The following SERINC5 variants were observed in gnomAD, a reference collection of about 807,000 sequenced individuals.
The protein encoded by SERINC5 is serine incorporator 5, also known as chromosome 5 open reading frame 12.
A neutral mutation model predicts 63.1 loss-of-function variants in SERINC5; 41 were observed. The ratio of observed to expected loss-of-function variants is 0.65; its 90% CI spans 0.51 to 0.84. The LOEUF (loss-of-function observed/expected upper bound fraction) is 0.84. Ranked by LOEUF, SERINC5 falls within the 40% of genes least tolerant of loss-of-function variation. The pLI, the probability that SERINC5 is intolerant of heterozygous loss-of-function variation, is 0.00. For missense variants in SERINC5, 523 were observed against 573.0 expected (o/e 0.91, Z 0.89); for synonymous variants, 222 against 215.2 (o/e 1.03, Z -0.28).
chr5:80,194,396 T>G (rs759127438), intron 2 of SERINC5, among the ~76,000 whole-genome samples: 1 of 152,214 alleles, frequency 6.6e-6, no homozygotes, highest in African/African-American at 2.4e-5. Context: ...AGCTTCAGCA[T>G]GAAGACCTGT....
At position 80,202,963 on chromosome 5, in the gene SERINC5, C is replaced by T. The variant is rs1749940075; in HGVS notation, c.118G>A (p.Ala40Thr). 1 of 1,613,624 alleles carries T rather than the reference C, an allele frequency of 6.2e-7. No individual in the cohort carries two copies. The highest frequency in any genetic ancestry group is 8.5e-7 in the Non-Finnish European group (1 of 1,179,690). ...RQSLSTRFMY[A>T]LYFILVVVLC... ...ACGACGACCAGAATGAAGTAGAGGG[C>T]GTACATGAAGCGGGTGCTGAGGGAC... is the stretch of plus-strand genomic sequence containing the variant. The change falls in exon 2 of 12, where the codon GCC (alanine) becomes ACC (threonine). Residue 40 changes from alanine to threonine, a missense_variant. Coordinates refer to ENST00000507668, the MANE Select transcript of SERINC5 (RefSeq NM_001174072.3).
At chr5:80,237,769 GAAGT>G (rs1751762148) in intron 1 of SERINC5, among the ~76,000 whole-genome samples, 1 of 151,152 alleles carries the variant, frequency 6.6e-6, no homozygotes, top group Admixed American at 6.6e-5. Context: ...AAAAAAAAAA[GAAGT>G]CAGAGACTCA....
intron 2 of SERINC5, among the ~76,000 whole-genome samples, chr5:80,197,308 T>TGAGAGAGAGA (rs34195156): frequency 2.6e-4 from 36 of 137,078 alleles, no homozygotes; most frequent in African/African-American, 6.5e-4. Context: ...ACTCCATCTG[T>TGAGAGAGAGA]GAGAGAGAGA....
intron 2 of SERINC5, among the ~76,000 whole-genome samples, chr5:80,199,716 C>G (rs545999403): frequency 6.6e-6 from 1 of 152,140 alleles, no homozygotes; most frequent in East Asian, 1.9e-4. Flanking sequence ...GGGATACTAT[C>G]TATTTGTTTA....
chr5:80,119,269 A>C (rs986976312), intron 11 of SERINC5, among the ~76,000 whole-genome samples: 23 of 152,216 alleles, frequency 1.5e-4, no homozygotes, highest in African/African-American at 5.5e-4. Context: ...TAAGAGCTGG[A>C]GTTATCTCTG....
chr5:80,185,816 T>C (rs1479194362), intron 2 of SERINC5, among the ~76,000 whole-genome samples: 1 of 152,008 alleles, frequency 6.6e-6, no homozygotes, highest in East Asian at 1.9e-4. Flanking sequence ...ACTTCTTTTG[T>C]GGTGGAATGT....
At position 80,188,004 on chromosome 5, in the gene SERINC5, G is replaced by T. The variant is rs4704626; in HGVS notation, c.196-9940C>A. Reference sequence around the variant, plus strand: ...AATTAGGTAAAACTGAAGGCAGAAGGCTGGGTGCGGTGGCTCACGCCCATA... The same window carrying T: ...AATTAGGTAAAACTGAAGGCAGAAGTCTGGGTGCGGTGGCTCACGCCCATA... On this transcript the variant is annotated intron_variant, in intron 2 of 11. Transcript: ENST00000507668. 7.2e-3 allele frequency among the ~76,000 whole-genome samples: 1,098 copies of T among 152,294 alleles called. 63 individuals are homozygous for T. The highest frequency in any genetic ancestry group is 0.063 in the Admixed American group (964 of 15,292).
intron 8 of SERINC5, among the ~76,000 whole-genome samples, chr5:80,151,932 C>T (rs1332510509): frequency 6.6e-6 from 1 of 150,810 alleles, no homozygotes; most frequent in East Asian, 1.9e-4. Flanking sequence ...GGCAACACTG[C>T]GCAGTCTCAT....
intron 2 of SERINC5, among the ~76,000 whole-genome samples, chr5:80,181,558 T>C (rs1748430585): frequency 6.6e-6 from 1 of 152,148 alleles, no homozygotes; most frequent in African/African-American, 2.4e-5. Flanking sequence ...CCACTGTACC[T>C]GGCCAGCTCC....
In SERINC5 at chr5:80,203,129, T is replaced by C; in HGVS notation, c.28-76A>G. 5 of 1,412,444 alleles carry C rather than the reference T, an allele frequency of 3.5e-6. No individual in the cohort carries two copies. The South Asian group carries it at 6.4e-5, about 18-fold the overall frequency. 87.5% of individuals were successfully genotyped at this position (1,412,444 alleles called of 1,614,324 possible). On this transcript the variant is annotated intron_variant, in intron 1 of 11. Coordinates refer to ENST00000507668, the MANE Select transcript of SERINC5 (RefSeq NM_001174072.3). ...TAAGAAACATGGCCAGGCACTGTGG[T>C]ACACATCTGGAGTCCCTGCTACTCG...
At chr5:80,189,721 C>A (rs188563977) in intron 2 of SERINC5, among the ~76,000 whole-genome samples, 37 of 151,254 alleles carry the variant, frequency 2.4e-4, no homozygotes, top group African/African-American at 7.3e-4. Flanking sequence ...TTTTTCTTTT[C>A]TTTTAATAGA....
At chr5:80,210,664 C>T (rs1395467761) in intron 1 of SERINC5, among the ~76,000 whole-genome samples, 1 of 152,172 alleles carries the variant, frequency 6.6e-6, no homozygotes, top group Non-Finnish European at 1.5e-5. Flanking sequence ...AAAAGGGTCT[C>T]TGTCTCCCTC....
intron 1 of SERINC5, among the ~76,000 whole-genome samples, chr5:80,224,934 T>TTG (rs1242238946): frequency 0.016 from 1,160 of 73,780 alleles, 13 homozygotes; most frequent in African/African-American, 0.059. Flanking sequence ...TTTTTTTTTT[T>TTG]GTTTTTTTTT....
chr5:80,160,699 CTCCT>C (rs1006314245), intron 7 of SERINC5, among the ~76,000 whole-genome samples: 26 of 152,044 alleles, frequency 1.7e-4, no homozygotes, highest in African/African-American at 6.0e-4. Flanking sequence ...CATCCCCTCC[CTCCT>C]TCCTATGTTT....
chr5:80,136,704 T>G (rs1013053230), downstream of SERINC5, among the ~76,000 whole-genome samples: 1 of 152,208 alleles, frequency 6.6e-6, no homozygotes, highest in Non-Finnish European at 1.5e-5. Flanking sequence ...CAACATCTGA[T>G]AAGGGGTTAA....
rs13181955 is a variant in SERINC5, at chr5:80,182,547, C to T, written c.196-4483G>A. ...CATAAGCTTCTATCATCTGACCGCCCCCCCCCCCTCCGCTTTTTTTTAATT... is the reference window on the plus strand; with the variant it reads ...CATAAGCTTCTATCATCTGACCGCCTCCCCCCCCTCCGCTTTTTTTTAATT... On this transcript the variant is annotated intron_variant, in intron 2 of 11. Transcript: ENST00000507668. Among the ~76,000 whole-genome samples, 33 of 85,742 alleles carry T rather than the reference C, an allele frequency of 3.8e-4. 4 individuals are homozygous for T. In the East Asian group the frequency reaches 4.8e-3, roughly 12 times the overall value. 56.3% of individuals were successfully genotyped at this position (85,742 alleles called of 152,430 possible). A position where few individuals can be genotyped will look rare whatever the true frequency, so the allele number is the denominator to read the frequency against.
downstream of SERINC5, among the ~76,000 whole-genome samples, chr5:80,137,500 G>A (rs940188139): frequency 3.9e-5 from 6 of 152,048 alleles, no homozygotes; most frequent in East Asian, 9.7e-4. Flanking sequence ...TTAGCCAGGT[G>A]TGGTGGCGGC....
intron 2 of SERINC5, among the ~76,000 whole-genome samples, chr5:80,191,586 C>T (rs562563611): frequency 1.3e-5 from 2 of 150,498 alleles, no homozygotes; most frequent in South Asian, 2.1e-4. Flanking sequence ...TCACTTGAGC[C>T]CCAGAGGTTA....
intron 2 of SERINC5, among the ~76,000 whole-genome samples, chr5:80,193,342 G>C (rs1749314569): frequency 1.3e-5 from 2 of 152,102 alleles, no homozygotes; most frequent in South Asian, 4.1e-4. Flanking sequence ...TATGATGGCT[G>C]ACAATGCTCA....
Sources: gnomAD v4.1 joint callset for allele counts (sites outside exome capture counted in the v4.1 genomes callset) on GRCh38, gnomAD v4.1.1 for gene constraint, MANE v1.5 for transcripts, NCBI Gene and HGNC (gene_info 2026-07-23, HGNC 2026-07-21) for gene names.